The following NPHS1 variants were observed in gnomAD, a reference collection of about 807,000 sequenced individuals.
NPHS1 encodes the protein NPHS1 adhesion molecule, nephrin.
Under a neutral mutation model 139.7 loss-of-function variants are expected in NPHS1, and 107 were observed. That is an observed-to-expected ratio of 0.77 (90% CI 0.66 to 0.90). NPHS1 has a LOEUF of 0.90. Among genes scored for constraint, NPHS1 ranks in the 40% least tolerant of loss-of-function variants. The pLI is 0.00. For synonymous variants in NPHS1, 707 were observed against 706.6 expected, an observed-to-expected ratio of 1.00 and a Z score of -0.01; for missense variants, 1,580 against 1,654.2, an observed-to-expected ratio of 0.96 and a Z score of 0.78.
rs1262010817 is a variant in NPHS1 at position 35,831,781 on chromosome 19, C to T, written c.3167-19G>A. On this transcript the variant is annotated intron_variant, in intron 23 of 28. Transcript: ENST00000378910. The stretch of plus-strand genomic sequence containing the variant: ...GAGGGTCCTAGGGGTGGAAGATACC[C>T]CTCAGTGAATCCCAGACAACAGGCT... The T allele has an allele frequency of 1.9e-6, 3 of 1,555,170 alleles. No homozygotes were observed. The highest frequency in any genetic ancestry group is 2.6e-6 in the Non-Finnish European group (3 of 1,150,934).
In NPHS1 at chr19:35,852,097, CTTT is replaced by C. The variant is rs10566018; in HGVS notation, c.-263_-261del. 9.3e-3 allele frequency among the ~76,000 whole-genome samples: 1,128 copies of C among 121,590 alleles called. 7 individuals carry two copies. Among genetic ancestry groups the C allele is most frequent in the African/African-American group, 0.031 (1,051 of 33,468 alleles). The allele number at this position is 121,590 out of a possible 152,430, so 79.8% of individuals were successfully genotyped here. A position where few individuals can be genotyped will look rare whatever the true frequency, so the allele number is the denominator to read the frequency against. ...TTTTTTTCTTTTTTCTTTTTTTTTT[CTTT>C]TTTTTTTTTTTAGAGACGGGGTCTC... On this transcript the variant is annotated 5_prime_UTR_variant, in exon 1 of 29. Coordinates refer to ENST00000378910, the MANE Select transcript of NPHS1 (RefSeq NM_004646.4).
intron 23 of NPHS1, among the ~76,000 whole-genome samples, chr19:35,833,315 T>G (rs142517319): frequency 0.03 from 4,598 of 152,242 alleles, 90 homozygotes; most frequent in Non-Finnish European, 0.043. Context: ...CAATCTCCCC[T>G]GTCTTCTACT....
Position 35,843,511 on chromosome 19 carries a change from G to T in NPHS1, c.2295C>A (p.Ala765=). The change falls in exon 17 of 29, where the codon GCC becomes GCA. Residue 765 remains alanine, a synonymous_variant. Coordinates refer to ENST00000378910, the MANE Select transcript of NPHS1 (RefSeq NM_004646.4). ...TGAACATGCCCGGGAGGATGGGATTGGCATCGACAGTGCAGACTATGTCCA... is the reference window on the plus strand; with the variant it reads ...TGAACATGCCCGGGAGGATGGGATTTGCATCGACAGTGCAGACTATGTCCA... ...GSVDIVCTVD[A]NPILPGMFNW... The T allele has an allele frequency of 1.2e-6, 2 of 1,614,124 alleles. No individual in the cohort carries two copies. The highest frequency in any genetic ancestry group is 1.7e-6 in the Non-Finnish European group (2 of 1,180,014).
rs1339825147 is a variant in NPHS1, at chr19:35,835,582, G to T, written c.3166+123C>A. The T allele has an allele frequency of 5.6e-6, 5 of 896,628 alleles. No individual in the cohort carries two copies. In the East Asian group the frequency reaches 9.8e-5, roughly 18 times the overall value. 55.5% of individuals were successfully genotyped at this position (896,628 alleles called of 1,614,324 possible). On this transcript the variant is annotated intron_variant, in intron 23 of 28. Transcript: ENST00000378910. ...AAGTGTTGGGATTACAGGCGTGAGC[G>T]ACTGAGCTTGGCCAGAACTAAGTCG... is the stretch of plus-strand genomic sequence containing the variant.
At chr19:35,837,488 T>G (rs1306024844) in intron 22 of NPHS1, among the ~76,000 whole-genome samples, 2 of 152,228 alleles carry the variant, frequency 1.3e-5, no homozygotes, top group Non-Finnish European at 2.9e-5. Flanking sequence ...CAATTGTTTT[T>G]CTGTTTTCTA....
At chr19:35,850,234 G>C in intron 5 of NPHS1, 130 bp downstream of exon 5, 1 of 739,784 alleles carries the variant, frequency 1.4e-6, no homozygotes, top group Non-Finnish European at 2.4e-6. Context: ...GAAGCTTTGA[G>C]AGTCAGGATG....
intron 23 of NPHS1, among the ~76,000 whole-genome samples, chr19:35,833,969 C>T (rs773671476): frequency 2.0e-4 from 31 of 152,196 alleles, no homozygotes; most frequent in South Asian, 4.1e-4. Context: ...CCCAAAGTTC[C>T]GGGATTATAG....
chr19:35,827,150 ATT>A (rs1017667167), intron 28 of NPHS1, among the ~76,000 whole-genome samples: 2 of 144,214 alleles, frequency 1.4e-5, no homozygotes, highest in Admixed American at 7.0e-5. Context: ...TAACTTTTGA[ATT>A]TTTTTTTTTT....
chr19:35,841,682 C>T, intron 20 of NPHS1, 33 bp downstream of exon 20: 1 of 1,612,590 alleles, frequency 6.2e-7, no homozygotes, highest in Non-Finnish European at 8.5e-7. Context: ...CAGGGAGCAC[C>T]CCCTCCCCAA....
chr19:35,826,978 A>T (rs749462221), intron 28 of NPHS1, among the ~76,000 whole-genome samples: 2 of 152,134 alleles, frequency 1.3e-5, no homozygotes, highest in African/African-American at 2.4e-5. Context: ...TCTACAAAAA[A>T]TAATTTTATT....
At chr19:35,840,019 T>C (rs1973031218) in intron 20 of NPHS1, among the ~76,000 whole-genome samples, 1 of 151,972 alleles carries the variant, frequency 6.6e-6, no homozygotes, top group South Asian at 2.1e-4. Context: ...TTTTCTTTTT[T>C]TTTAGATGGA....
intron 22 of NPHS1, among the ~76,000 whole-genome samples, chr19:35,836,230 A>T (rs1395087460): frequency 6.8e-6 from 1 of 147,266 alleles, no homozygotes; most frequent in Non-Finnish European, 1.5e-5. Flanking sequence ...GAGTGCTGGG[A>T]TTACAGGCGT....
Position 35,826,435 on chromosome 19 carries a change from G to A in NPHS1, c.*79C>T. On this transcript the variant is annotated 3_prime_UTR_variant, in exon 29 of 29. Transcript: ENST00000378910. Reference sequence around the variant, plus strand: ...GGGTTTTATGGAGCTCACCTAACCAGCTCGGCCCAGGCTGTAATGAGAGAG... The same window carrying A: ...GGGTTTTATGGAGCTCACCTAACCAACTCGGCCCAGGCTGTAATGAGAGAG... 6.4e-7 allele frequency: 1 copy of A among 1,572,478 alleles called. No individual in the cohort carries two copies. Among genetic ancestry groups the A allele is most frequent in the Non-Finnish European group, 8.7e-7 (1 of 1,144,518 alleles).
chr19:35,844,339 C>T lies in NPHS1; in HGVS notation c.2051G>A (p.Arg684His). ...PAPEAFNWTF[R>H]GYRLSPAGGP... Reference sequence around the variant, plus strand: ...CTCACCTGGACTGAGGCGATAGCCGCGGAAGGTCCAGTTGAAGGCCTCGGG... The same window carrying T: ...CTCACCTGGACTGAGGCGATAGCCGTGGAAGGTCCAGTTGAAGGCCTCGGG... The change falls in exon 15 of 29, where the codon CGC (arginine) becomes CAC (histidine). Residue 684 changes from arginine (R) to histidine (H), a missense_variant. Arg to His is a conservative substitution (Grantham distance 29, BLOSUM62 0). Transcript: ENST00000378910. 2 of 1,613,938 alleles carry T rather than the reference C, an allele frequency of 1.2e-6. No homozygotes were observed. The highest frequency in any genetic ancestry group is 1.1e-5 in the South Asian group (1 of 91,064).
At position 35,839,078 on chromosome 19, in the gene NPHS1, C is replaced by A. The variant is rs112071734; in HGVS notation, c.3109+159G>T. ...CAAGTTCATCTGCCTGAGTTTCAATCTCATCTTTATCTTTTACTAGTTGTG... is the reference window on the plus strand; with the variant it reads ...CAAGTTCATCTGCCTGAGTTTCAATATCATCTTTATCTTTTACTAGTTGTG... On this transcript the variant is annotated intron_variant, in intron 22 of 28. Transcript: ENST00000378910. 2.6e-3 allele frequency among the ~76,000 whole-genome samples: 394 copies of A among 152,284 alleles called. 3 individuals carry two copies. The highest frequency in any genetic ancestry group is 8.9e-3 in the African/African-American group (368 of 41,544).
At chr19:35,844,578 T>C in intron 14 of NPHS1, 119 bp from the exon 15 acceptor site, 3 of 1,063,108 alleles carry the variant, frequency 2.8e-6, no homozygotes, top group Non-Finnish European at 4.1e-6. Context: ...TTTAAGGTTG[T>C]GGACAAGGTA....
chr19:35,846,174 C>T lies in NPHS1; in HGVS notation c.1461G>A (p.Glu487=). Residue 487 remains glutamate, a synonymous_variant, in exon 12 of 29, where the codon GAG becomes GAA. Coordinates refer to ENST00000378910, the MANE Select transcript of NPHS1 (RefSeq NM_004646.4). ...GCCGCGACTCCTGCGGCAGCCGCGA[C>T]TCGGTCACGGTGCGCGAGTCCTACG... ...MWYKDSRTVT[E]SRLPQESRRV... 6.3e-7 allele frequency: 1 copy of T among 1,594,704 alleles called. No individual in the cohort carries two copies. The highest frequency in any genetic ancestry group is 1.3e-5 in the African/African-American group (1 of 74,742).
intron 11 of NPHS1, among the ~76,000 whole-genome samples, chr19:35,846,743 A>T (rs1454115005): frequency 2.0e-5 from 3 of 152,106 alleles, no homozygotes; most frequent in Admixed American, 6.5e-5. Flanking sequence ...TCCCGATATT[A>T]TAATATCTTA....
chr19:35,849,662 A>C lies in NPHS1; in HGVS notation c.609-9T>G, dbSNP rs775754652. 4.2e-5 allele frequency: 67 copies of C among 1,602,242 alleles called. No individual in the cohort carries two copies. The highest frequency in any genetic ancestry group is 5.4e-5 in the Non-Finnish European group (63 of 1,169,554). On this transcript the variant is annotated splice_polypyrimidine_tract_variant and intron_variant, in intron 5 of 28. Coordinates refer to ENST00000378910, the MANE Select transcript of NPHS1 (RefSeq NM_004646.4). ...AGCTCCGGGGTGTCACCCTGGGATG[A>C]GAAGTCAGGGTTATAGAGTCAGAGT... is the stretch of plus-strand genomic sequence containing the variant.
Sources: gnomAD v4.1 joint callset for allele counts (sites outside exome capture counted in the v4.1 genomes callset) on GRCh38, gnomAD v4.1.1 for gene constraint, MANE v1.5 for transcripts, NCBI Gene and HGNC (gene_info 2026-07-23, HGNC 2026-07-21) for gene names.